The following MYBPC1 variants were observed in gnomAD, a reference collection of about 807,000 sequenced individuals.
The protein encoded by MYBPC1 is myosin-binding protein C, slow-type.
Under a neutral mutation model 147.1 loss-of-function variants are expected in MYBPC1, and 52 were observed. The ratio of observed to expected loss-of-function variants is 0.35; its 90% CI spans 0.28 to 0.45. The LOEUF is 0.45. Ranked by LOEUF, MYBPC1 falls within the 20% of genes least tolerant of loss-of-function variation. The pLI is 1.00. For missense variants in MYBPC1, 1,228 were observed against 1,440.3 expected, an observed-to-expected ratio of 0.85 and a Z score of 2.39; for synonymous variants, 477 against 475.9, an observed-to-expected ratio of 1.00 and a Z score of -0.03.
chr12:101,606,557 G>A (rs1020786474), intron 1 of MYBPC1, among the ~76,000 whole-genome samples: 2 of 149,836 alleles, frequency 1.3e-5, no homozygotes, highest in Non-Finnish European at 3.0e-5. Context: ...ACCCACCCCA[G>A]TCTCCTAAAG....
intron 6 of MYBPC1, 80 bp downstream of exon 6, chr12:101,629,624 GCAC>G: frequency 1.1e-6 from 1 of 920,778 alleles, no homozygotes; most frequent in South Asian, 1.8e-5. Context: ...TGTAATCCCA[GCAC>G]TCTGGGAGGT....
chr12:101,611,117 G>C (rs1884120829), intron 1 of MYBPC1, among the ~76,000 whole-genome samples: 1 of 150,858 alleles, frequency 6.6e-6, no homozygotes, highest in Non-Finnish European at 1.5e-5. Context: ...AGAAGAAAAA[G>C]TTCTGGATCT....
At chr12:101,677,817 T>C (rs1426177937) in intron 27 of MYBPC1, among the ~76,000 whole-genome samples, 1 of 152,258 alleles carries the variant, frequency 6.6e-6, no homozygotes, top group Non-Finnish European at 1.5e-5. Context: ...ACCTTCCTTG[T>C]GTATTTTCAC....
At chr12:101,670,845 G>C (rs1395894724) in intron 24 of MYBPC1, among the ~76,000 whole-genome samples, 1 of 152,048 alleles carries the variant, frequency 6.6e-6, no homozygotes, top group African/African-American at 2.4e-5. Context: ...TTTCAATAAG[G>C]GGGACAACTG....
intron 31 of MYBPC1, among the ~76,000 whole-genome samples, chr12:101,684,941 AG>A (rs1400103026): frequency 6.6e-6 from 1 of 152,300 alleles, no homozygotes; most frequent in East Asian, 1.9e-4. Flanking sequence ...TCTCTCTTGA[AG>A]GGTACTTTTA....
intron 22 of MYBPC1, chr12:101,666,634 C>A: frequency 9.2e-7 from 1 of 1,090,434 alleles, no homozygotes; most frequent in Non-Finnish European, 1.4e-6. Flanking sequence ...GGACAAATCT[C>A]TTTGCACACT....
chr12:101,694,861 T>C, the MYBPC1 span, among the ~76,000 whole-genome samples: 1 of 152,222 alleles, frequency 6.6e-6, no homozygotes, highest in Non-Finnish European at 1.5e-5. Flanking sequence ...TGCTATATAA[T>C]ATTAAATTAC....
intron 1 of MYBPC1, among the ~76,000 whole-genome samples, chr12:101,611,855 G>A (rs893663695): frequency 3.9e-5 from 6 of 152,200 alleles, no homozygotes; most frequent in Admixed American, 6.5e-5. Flanking sequence ...GAGGCAGGTG[G>A]ATCACAAGGT....
intron 1 of MYBPC1, among the ~76,000 whole-genome samples, chr12:101,602,144 A>G (rs1409888740): frequency 6.6e-6 from 1 of 152,224 alleles, no homozygotes; most frequent in African/African-American, 2.4e-5. Context: ...GTATGTGAAT[A>G]AAACAGTATC....
chr12:101,685,922 T>G lies in MYBPC1; in HGVS notation c.*360T>G. ...TATCTCTGCTCACTGTATTATACTT[T>G]ACAAAAATGCAAGTCATAGAATAAG... On this transcript the variant is annotated 3_prime_UTR_variant, in exon 32 of 32. Transcript: ENST00000361466. 2 of 284,196 alleles carry G rather than the reference T, an allele frequency of 7.0e-6. No homozygotes were observed. Among genetic ancestry groups the G allele is most frequent in the Non-Finnish European group, 6.4e-6 (1 of 155,626 alleles). The allele number at this position is 284,196 out of a possible 1,614,324, so 17.6% of individuals were successfully genotyped here.
At chr12:101,641,748 G>A (rs928829799) in intron 10 of MYBPC1, among the ~76,000 whole-genome samples, 2 of 151,216 alleles carry the variant, frequency 1.3e-5, no homozygotes, top group African/African-American at 2.4e-5. Flanking sequence ...TCCCCCTGCC[G>A]ATTTAGAAAA....
intron 5 of MYBPC1, among the ~76,000 whole-genome samples, chr12:101,628,478 C>G (rs568577189): frequency 1.3e-5 from 2 of 152,236 alleles, no homozygotes; most frequent in African/African-American, 2.4e-5. Flanking sequence ...TGGCCTACTA[C>G]TACAGATAGA....
In MYBPC1 at chr12:101,682,807, A is replaced by G. The variant is rs563385028; in HGVS notation, c.3492+145A>G. 219 of 772,386 alleles carry G rather than the reference A, an allele frequency of 2.8e-4. 2 individuals carry two copies. In the Middle Eastern group the frequency reaches 4.9e-3, roughly 17 times the overall value. The allele number at this position is 772,386 out of a possible 1,614,324, so 47.8% of individuals were successfully genotyped here. On this transcript the variant is annotated intron_variant, in intron 30 of 31. Transcript: ENST00000361466. Reference sequence around the variant, plus strand: ...GCTCATGGCATACAGTGCTTATGCCATGAACAAGGAAGGCCAAATTATTCA... The same window carrying G: ...GCTCATGGCATACAGTGCTTATGCCGTGAACAAGGAAGGCCAAATTATTCA...
At chr12:101,666,886 C>A in intron 22 of MYBPC1, 3 of 504,004 alleles carry the variant, frequency 6.0e-6, no homozygotes, top group Non-Finnish European at 1.1e-5. Context: ...GAATACTCAT[C>A]ACATACATAC....
intron 17 of MYBPC1, 137 bp from the exon 18 acceptor site, chr12:101,652,978 C>G (rs1894802754): frequency 7.8e-7 from 1 of 1,274,318 alleles, no homozygotes; most frequent in Non-Finnish European, 1.1e-6. Context: ...GTGCCAGGCA[C>G]CAACTATCTT....
At chr12:101,686,811 G>A (rs73390509), downstream of MYBPC1, among the ~76,000 whole-genome samples, 10,787 of 152,126 alleles carry the variant, frequency 0.071, 594 homozygotes, top group African/African-American at 0.15. Context: ...TGTTGGGCTC[G>A]TAAAGGGAAG....
chr12:101,654,538 G>T (rs1895175364), intron 18 of MYBPC1, among the ~76,000 whole-genome samples: 2 of 152,140 alleles, frequency 1.3e-5, no homozygotes, highest in Non-Finnish European at 2.9e-5. Flanking sequence ...CATTGTACAA[G>T]GAGACCAAGG....
intron 27 of MYBPC1, 43 bp from the exon 28 acceptor site, chr12:101,678,059 C>T (rs1371029269): frequency 6.9e-6 from 11 of 1,593,448 alleles, no homozygotes; most frequent in Admixed American, 3.3e-5. Flanking sequence ...ATTCTCAGGC[C>T]AATTTACATA....
chr12:101,646,374 C>T (rs376181248), intron 12 of MYBPC1, among the ~76,000 whole-genome samples: 3 of 151,932 alleles, frequency 2.0e-5, no homozygotes, highest in Admixed American at 6.6e-5. Context: ...CTGCTGGGCA[C>T]GATGGCTCAC....
Sources: allele counts gnomAD v4.1 joint callset (sites outside exome capture counted in the v4.1 genomes callset), GRCh38; gene constraint gnomAD v4.1.1; transcripts MANE v1.5; gene names NCBI Gene and HGNC (gene_info 2026-07-23, HGNC 2026-07-21).